The following ADGRG1 variants were observed in gnomAD, a reference collection of about 807,000 sequenced individuals.
ADGRG1 encodes the protein 7-transmembrane protein with no EGF-like N-terminal domains-1.
Under a neutral mutation model 73.5 loss-of-function variants are expected in ADGRG1, and 53 were observed. The ratio of observed to expected loss-of-function variants is 0.72; its 90% CI spans 0.58 to 0.91. The LOEUF (loss-of-function observed/expected upper bound fraction) is 0.91. Among genes scored for constraint, ADGRG1 ranks in the 40% least tolerant of loss-of-function variants. The pLI, the probability that ADGRG1 is intolerant of heterozygous loss-of-function variation, is 0.00. For missense variants in ADGRG1, 795 were observed against 871.8 expected, an observed-to-expected ratio of 0.91 and a Z score of 1.11; for synonymous variants, 394 against 374.4, an observed-to-expected ratio of 1.05 and a Z score of -0.60.
rs1353246108 is a variant in ADGRG1, at chr16:57,654,192, G to A, written c.768+59G>A. 9 of 1,552,836 alleles carry A rather than the reference G, an allele frequency of 5.8e-6. No homozygotes were observed. In the African/African-American group the frequency reaches 8.1e-5, roughly 14 times the overall value. On this transcript the variant is annotated intron_variant, in intron 5 of 13. Transcript: ENST00000562631. ...GGTTGGGCCGGGGCCAGATGGAGGT[G>A]GGGGCTGTGAGCACTCCCTGAAGCT...
upstream of ADGRG1, among the ~76,000 whole-genome samples, chr16:57,620,455 G>A (rs578188989): frequency 1.2e-4 from 18 of 152,324 alleles, no homozygotes; most frequent in African/African-American, 3.4e-4. Flanking sequence ...GGGTGACGCC[G>A]CGGAGCCTGA....
At position 57,659,483 on chromosome 16, in the gene ADGRG1, A is replaced by C. The variant is rs775917881; in HGVS notation, c.1357A>C (p.Ser453Arg). Reference protein sequence around the residue: ...LLLAVFLLDTSFLLSEPVALT... With the variant: ...LLLAVFLLDTRFLLSEPVALT... Reference sequence around the variant, plus strand: ...GCTGGCCGTCTTCCTGCTGGACACGAGCTTCCTGCTCAGCGAGCCGGTGGC... The same window carrying C: ...GCTGGCCGTCTTCCTGCTGGACACGCGCTTCCTGCTCAGCGAGCCGGTGGC... The change falls in exon 11 of 14, where the codon AGC (serine) becomes CGC (arginine). Residue 453 changes from serine to arginine, a missense_variant. Physicochemically the swap from Ser to Arg is moderately radical, Grantham distance 110. Transcript: ENST00000562631. The C allele has an allele frequency of 6.2e-7, 1 of 1,613,724 alleles. No homozygotes were observed. The highest frequency in any genetic ancestry group is 8.5e-7 in the Non-Finnish European group (1 of 1,179,870).
Position 57,659,696 on chromosome 16 carries a change from G to T in ADGRG1, c.1555+15G>T, listed in dbSNP as rs75843478. 8.1e-6 allele frequency: 13 copies of T among 1,611,774 alleles called. No homozygotes were observed. The highest frequency in any genetic ancestry group is 3.3e-5 in the South Asian group (3 of 91,040). On this transcript the variant is annotated intron_variant, in intron 11 of 13. Transcript: ENST00000562631. ...CATGGGCTGGGGTAAGTGGTTGGGC[G>T]GGGGGTGCCTCAGACCTGCCTCTCC...
At chr16:57,646,560 C>A (rs2042699409) in intron 1 of ADGRG1, 2 of 985,322 alleles carry the variant, frequency 2.0e-6, no homozygotes, top group African/African-American at 3.5e-5. Flanking sequence ...TGGGCCTCAG[C>A]CCCAGCACCC....
intron 1 of ADGRG1, chr16:57,642,811 A>G (rs1228814414): frequency 5.8e-6 from 1 of 172,456 alleles, no homozygotes; most frequent in East Asian, 1.9e-4. Context: ...TTTTCTGCTT[A>G]TTTGCTGTGT....
intron 1 of ADGRG1, chr16:57,635,297 T>A (rs2039074228): frequency 1.0e-6 from 1 of 985,246 alleles, no homozygotes; most frequent in African/African-American, 1.7e-5. Context: ...ATGGCTGTCC[T>A]GGCCACACCT....
chr16:57,627,081 C>A, upstream of ADGRG1: 1 of 985,088 alleles, frequency 1.0e-6, no homozygotes, highest in Non-Finnish European at 1.2e-6. Flanking sequence ...GTGCCGTTTT[C>A]TGGAAGCTCT....
At chr16:57,654,188 A>G in intron 5 of ADGRG1, 55 bp downstream of exon 5, 1 of 1,564,868 alleles carries the variant, frequency 6.4e-7, no homozygotes, top group South Asian at 1.1e-5. Context: ...GGCCAGATGG[A>G]GGTGGGGGCT....
chr16:57,633,818 C>T (rs993795110), intron 1 of ADGRG1, among the ~76,000 whole-genome samples: 1 of 152,226 alleles, frequency 6.6e-6, no homozygotes, highest in South Asian at 2.1e-4. Flanking sequence ...ATGGTGCCAT[C>T]CTCCCAGGAT....
chr16:57,648,857 C>T (rs988345211), intron 1 of ADGRG1: 2 of 261,010 alleles, frequency 7.7e-6, no homozygotes, highest in Non-Finnish European at 1.2e-5. Flanking sequence ...AGGTTCCCTG[C>T]CAGGCACTAT....
intron 9 of ADGRG1, 130 bp from the exon 10 acceptor site, chr16:57,657,243 T>G: frequency 7.5e-7 from 1 of 1,325,174 alleles, no homozygotes; most frequent in Non-Finnish European, 1.1e-6. Context: ...CACATTCTGC[T>G]CAGTTGGGAG....
At chr16:57,637,247 G>A (rs1290136279) in intron 1 of ADGRG1, 2 of 919,742 alleles carry the variant, frequency 2.2e-6, no homozygotes, top group Non-Finnish European at 2.6e-6. Flanking sequence ...TCCCCGCCCC[G>A]ACCCTGGTCG....
At chr16:57,635,608 G>A (rs1239899225) in intron 1 of ADGRG1, 8 of 985,264 alleles carry the variant, frequency 8.1e-6, no homozygotes, top group South Asian at 4.7e-5. Flanking sequence ...TGCAAACCAC[G>A]TGAGCACAGG....
rs753293492 is a variant in ADGRG1 at position 57,656,479 on chromosome 16, G to T, written c.1064-35G>T. The T allele has an allele frequency of 3.8e-6, 6 of 1,587,248 alleles. 1 individual carries two copies. The African/African-American group carries it at 8.1e-5, about 21-fold the overall frequency. Reference sequence around the variant, plus strand: ...GACACAGTGGGGTCCTGGAGGACTGGACTTGATTGGAGCCCCGTGCTGTCC... The same window carrying T: ...GACACAGTGGGGTCCTGGAGGACTGTACTTGATTGGAGCCCCGTGCTGTCC... On this transcript the variant is annotated intron_variant, in intron 8 of 13. Transcript: ENST00000562631.
At chr16:57,660,415 G>A (rs888989662) in intron 11 of ADGRG1, 5 of 980,356 alleles carry the variant, frequency 5.1e-6, no homozygotes, top group Admixed American at 6.1e-5. Flanking sequence ...CAGTGCAGAC[G>A]TCCCCTGATG....
chr16:57,634,469 C>A lies in ADGRG1; in HGVS notation c.-36+5667C>A, dbSNP rs1281629801. ...ACTTCCGCCCCTGGGGCATACACTTCACTGCCTACAAAGACCCTCATTCAA... is the reference window on the plus strand; with the variant it reads ...ACTTCCGCCCCTGGGGCATACACTTAACTGCCTACAAAGACCCTCATTCAA... On this transcript the variant is annotated intron_variant, in intron 1 of 13. Transcript: ENST00000562631. 5 of 985,286 alleles carry A rather than the reference C, an allele frequency of 5.1e-6. No individual in the cohort carries two copies. In the African/African-American group the frequency reaches 8.7e-5, roughly 17 times the overall value. 61.0% of individuals were successfully genotyped at this position (985,286 alleles called of 1,614,324 possible). A position where few individuals can be genotyped will look rare whatever the true frequency, so the allele number is the denominator to read the frequency against.
chr16:57,642,318 G>C, intron 1 of ADGRG1: 1 of 985,332 alleles, frequency 1.0e-6, no homozygotes, highest in South Asian at 4.7e-5. Flanking sequence ...CCTCTTTCCT[G>C]GAAGTGTCAG....
intron 1 of ADGRG1, chr16:57,639,729 C>A: frequency 1.1e-6 from 1 of 901,482 alleles, no homozygotes; most frequent in Non-Finnish European, 1.3e-6. Flanking sequence ...TGCTCCCTCT[C>A]CCTGCTCCCC....
chr16:57,657,253 GA>G, intron 9 of ADGRG1, 119 bp from the exon 10 acceptor site: 1 of 1,428,408 alleles, frequency 7.0e-7, no homozygotes, highest in Admixed American at 1.8e-5. Flanking sequence ...TCAGTTGGGA[GA>G]GGGGGTTCTT....
Sources: allele counts gnomAD v4.1 joint callset (sites outside exome capture counted in the v4.1 genomes callset), GRCh38; gene constraint gnomAD v4.1.1; transcripts MANE v1.5; gene names NCBI Gene and HGNC (gene_info 2026-07-23, HGNC 2026-07-21).